ARHGAP5: variants seen among roughly 807,000 people sequenced by gnomAD.
ARHGAP5 encodes rho GTPase-activating protein 5.
A neutral mutation model predicts 116.6 loss-of-function variants in ARHGAP5; 23 were observed. The ratio of observed to expected loss-of-function variants is 0.20; its 90% confidence interval spans 0.14 to 0.28. ARHGAP5 has a LOEUF of 0.28. ARHGAP5 is among the 10% of genes least tolerant of loss of function. ARHGAP5 has a pLI of 1.00. For synonymous variants in ARHGAP5, 574 were observed against 602.0 expected (o/e 0.95, Z 0.68); for missense variants, 1,405 against 1,774.8 (o/e 0.79, Z 3.74).
chr14:32,115,913 T>A (rs901426604), intron 2 of ARHGAP5, among the ~76,000 whole-genome samples: 43 of 151,256 alleles, frequency 2.8e-4, no homozygotes, highest in Non-Finnish European at 5.9e-4. Flanking sequence ...GAGACTTGCT[T>A]GAACCCGGGA....
intron 2 of ARHGAP5, 89 bp downstream of exon 2, chr14:32,094,475 A>C (rs762213747): frequency 9.1e-5 from 87 of 957,700 alleles, no homozygotes; most frequent in Non-Finnish European, 1.2e-4. Context: ...ATTTAGTCTC[A>C]TTCATTCCAT....
chr14:32,152,759 C>T (rs1881701209), intron 6 of ARHGAP5, among the ~76,000 whole-genome samples: 1 of 152,082 alleles, frequency 6.6e-6, no homozygotes, highest in South Asian at 2.1e-4. Context: ...ACCACATTCT[C>T]TGTAAAATCT....
chr14:32,146,167 T>G (rs1440684389), intron 3 of ARHGAP5, 96 bp from the exon 4 acceptor site: 4 of 888,346 alleles, frequency 4.5e-6, no homozygotes, highest in Non-Finnish European at 7.0e-6. Flanking sequence ...CACCTTGGCC[T>G]CCCAGAGTGC....
chr14:32,122,497 TAA>T (rs1879937681), intron 3 of ARHGAP5, among the ~76,000 whole-genome samples: 1 of 152,230 alleles, frequency 6.6e-6, no homozygotes, highest in African/African-American at 2.4e-5. Context: ...CTTTGAAGGA[TAA>T]AGTTTTCAAT....
rs1481316098 is a variant in ARHGAP5 at position 32,092,889 on chromosome 14, A to G, written c.2220A>G (p.Lys740=). The G allele has an allele frequency of 2.5e-6, 4 of 1,613,998 alleles. No individual in the cohort carries two copies. Among genetic ancestry groups the G allele is most frequent in the African/African-American group, 1.3e-5 (1 of 75,034 alleles). The change falls in exon 2 of 7, where the codon AAA becomes AAG. Residue 740 remains lysine, a synonymous_variant. Coordinates refer to ENST00000345122, the MANE Select transcript of ARHGAP5 (RefSeq NM_001030055.2). The surrounding 1 kb of genome is among the most constrained non-coding windows in gnomAD (Gnocchi z 4.1). ...TACCTGCTGGTACATATCCTCGTAA[A>G]TTTAATGAAACCCAAATAAAGCAAG... ...VDVPAGTYPR[K]FNETQIKQAL...
chr14:32,103,125 A>T (rs1878864380), intron 2 of ARHGAP5, among the ~76,000 whole-genome samples: 1 of 152,028 alleles, frequency 6.6e-6, no homozygotes, highest in African/African-American at 2.4e-5. Context: ...TAGATCTGTG[A>T]TGTTTCTATA....
At chr14:32,079,060 A>T (rs1318658343) in intron 1 of ARHGAP5, among the ~76,000 whole-genome samples, 1 of 152,220 alleles carries the variant, frequency 6.6e-6, no homozygotes, top group Non-Finnish European at 1.5e-5. Context: ...AGTATGTGTC[A>T]CCAAAAACTT....
In ARHGAP5 at chr14:32,094,364, A is replaced by T. The variant is rs372091460; in HGVS notation, c.3695A>T (p.His1232Leu). ...LDDKKMKKKT[H>L]KVKEDKKQKK... ...GATAAGAAGATGAAGAAGAAAACCC[A>T]CAAAGTGAAAGAAGATAAAAAGGTA... Residue 1232 changes from histidine (H) to leucine (L), a missense_variant, in exon 2 of 7, where the codon CAC becomes CTC. His to Leu is a moderately conservative substitution (Grantham distance 99, BLOSUM62 -3). Around this residue, in one of 6 missense-constraint regions of ARHGAP5, gnomAD observed 176 missense variants for 221.2 expected, o/e 0.80. Coordinates refer to ENST00000345122, the MANE Select transcript of ARHGAP5 (RefSeq NM_001030055.2). The T allele has an allele frequency of 2.5e-6, 4 of 1,578,116 alleles. No individual in the cohort carries two copies. The highest frequency in any genetic ancestry group is 2.6e-6 in the Non-Finnish European group (3 of 1,168,868).
chr14:32,158,050 C>G lies in ARHGAP5; in HGVS notation c.*3102C>G, dbSNP rs1036941236. The G allele has an allele frequency of 2.0e-5, 3 of 151,566 alleles. No individual in the cohort carries two copies. Among genetic ancestry groups the G allele is most frequent in the African/African-American group, 7.2e-5 (3 of 41,460 alleles). The allele number at this position is 151,566 out of a possible 1,614,324, so 9.4% of individuals were successfully genotyped here. A position where few individuals can be genotyped will look rare whatever the true frequency, so the allele number is the denominator to read the frequency against. On this transcript the variant is annotated 3_prime_UTR_variant, in exon 7 of 7. Coordinates refer to ENST00000345122, the MANE Select transcript of ARHGAP5 (RefSeq NM_001030055.2). ...GTTTAATGTAATTTTTGTGCTTCAC[C>G]TACAGGATGCTGCAGTAAATTAAAT...
At position 32,094,229 on chromosome 14, in the gene ARHGAP5, A is replaced by G; in HGVS notation, c.3560A>G (p.Lys1187Arg). 6.2e-7 allele frequency: 1 copy of G among 1,613,154 alleles called. No individual in the cohort carries two copies. Among genetic ancestry groups the G allele is most frequent in the Non-Finnish European group, 8.5e-7 (1 of 1,179,836 alleles). Residue 1187 changes from lysine (K) to arginine (R), a missense_variant, in exon 2 of 7, where the codon AAA becomes AGA. Lys to Arg is a conservative substitution (Grantham distance 26, BLOSUM62 2). Coordinates refer to ENST00000345122, the MANE Select transcript of ARHGAP5 (RefSeq NM_001030055.2). ...GAGGCTTTCACCACTTCTAAAACAA[A>G]AAGAAAAGGAAGACATCGTGGAAGT... ...DDEAFTTSKT[K>R]RKGRHRGSEE...
intron 1 of ARHGAP5, among the ~76,000 whole-genome samples, chr14:32,087,791 G>A (rs1467922920): frequency 6.6e-6 from 1 of 152,006 alleles, no homozygotes; most frequent in Non-Finnish European, 1.5e-5. Context: ...TAGAAGTCAT[G>A]TGAAATTACC....
Position 32,154,941 on chromosome 14 carries a change from T to C in ARHGAP5, c.4502T>C (p.Ile1501Thr). ...CAATTACAAACGGATCCTCTTGGTA[T>C]TATATGAGTAGGAAGTGATTGCAAA... Reference protein sequence around the residue: ...QPQLQTDPLGII With the variant: ...QPQLQTDPLGTI Residue 1501 changes from isoleucine to threonine, a missense_variant, in exon 7 of 7, where the codon ATT (isoleucine) becomes ACT (threonine). By Grantham distance (89) the Ile-to-Thr change is moderately conservative. Around this residue, in one of 6 missense-constraint regions of ARHGAP5, gnomAD observed 85 missense variants for 96.6 expected, o/e 0.88. Transcript: ENST00000345122. 1 of 1,612,568 alleles carries C rather than the reference T, an allele frequency of 6.2e-7. No individual in the cohort carries two copies. Among genetic ancestry groups the C allele is most frequent in the Non-Finnish European group, 8.5e-7 (1 of 1,178,962 alleles).
intron 5 of ARHGAP5, among the ~76,000 whole-genome samples, chr14:32,152,077 C>T (rs554184962): frequency 1.3e-5 from 2 of 152,244 alleles, no homozygotes; most frequent in South Asian, 2.1e-4. Flanking sequence ...AGATTAGGTG[C>T]GGCATTAGAT....
At chr14:32,086,768 C>G (rs2041833741) in intron 1 of ARHGAP5, among the ~76,000 whole-genome samples, 1 of 151,500 alleles carries the variant, frequency 6.6e-6, no homozygotes, top group Non-Finnish European at 1.5e-5. Context: ...CCTTAGAAAA[C>G]TTAGTTGTGA....
chr14:32,116,244 G>A (rs530798396), intron 2 of ARHGAP5, among the ~76,000 whole-genome samples: 1 of 150,268 alleles, frequency 6.7e-6, no homozygotes, highest in East Asian at 2.0e-4. Flanking sequence ...CCTAGACCCT[G>A]CGCCACTGCA....
At chr14:32,135,514 C>A (rs1880743908) in intron 3 of ARHGAP5, among the ~76,000 whole-genome samples, 1 of 152,218 alleles carries the variant, frequency 6.6e-6, no homozygotes, top group Non-Finnish European at 1.5e-5. Context: ...CCTCTACCTC[C>A]CAGGTTCAAG....
intron 1 of ARHGAP5, among the ~76,000 whole-genome samples, chr14:32,084,506 A>G (rs1457743728): frequency 3.9e-5 from 6 of 152,168 alleles, no homozygotes; most frequent in African/African-American, 2.4e-5. Context: ...TTGGAAGCTG[A>G]TTATTCTTAG....
At chr14:32,145,857 A>C (rs1881353131) in intron 3 of ARHGAP5, among the ~76,000 whole-genome samples, 1 of 152,226 alleles carries the variant, frequency 6.6e-6, no homozygotes, top group Non-Finnish European at 1.5e-5. Context: ...TTATTCTTAC[A>C]AATATTTTAC....
At chr14:32,119,250 A>T (rs907133043) in intron 3 of ARHGAP5, among the ~76,000 whole-genome samples, 3 of 152,080 alleles carry the variant, frequency 2.0e-5, no homozygotes, top group African/African-American at 7.2e-5. Context: ...TCTCAAAATG[A>T]ACTGTAGCAT....
Sources: allele counts gnomAD v4.1 joint callset (sites outside exome capture counted in the v4.1 genomes callset), GRCh38; gene constraint gnomAD v4.1.1; regional missense constraint gnomAD v4.1.1; non-coding constraint Gnocchi (gnomAD v3.1); transcripts MANE v1.5; gene names NCBI Gene and HGNC (gene_info 2026-07-23, HGNC 2026-07-21).